Variants in CUL1 observed in about 807,000 individuals in gnomAD.
CUL1 encodes cullin-1.
A neutral mutation model predicts 118.0 loss-of-function variants in CUL1; 24 were observed. That is an observed-to-expected ratio of 0.20 (90% CI 0.15 to 0.29). CUL1 has a LOEUF of 0.29. Among genes scored for constraint, CUL1 ranks in the 10% least tolerant of loss-of-function variants. The pLI is 1.00. For synonymous variants in CUL1, 332 were observed against 340.4 expected (o/e 0.98, Z 0.27); for missense variants, 361 against 933.8 (o/e 0.39, Z 7.99).
At chr7:148,786,511 A>G (rs771155987) in intron 11 of CUL1, 40 bp from the exon 12 acceptor site, 1 of 1,511,296 alleles carries the variant, frequency 6.6e-7, no homozygotes, top group East Asian at 2.3e-5. Flanking sequence ...GTTTAAACGT[A>G]CTGATGTTTT....
At chr7:148,778,303 CT>C (rs1419113427) in intron 9 of CUL1, among the ~76,000 whole-genome samples, 1 of 151,878 alleles carries the variant, frequency 6.6e-6, no homozygotes, top group South Asian at 2.1e-4. Context: ...TTATGTCCCC[CT>C]TTTTTTGCCT....
At chr7:148,750,573 G>A (rs1799456531) in intron 2 of CUL1, among the ~76,000 whole-genome samples, 1 of 152,058 alleles carries the variant, frequency 6.6e-6, no homozygotes, top group Admixed American at 6.6e-5. Flanking sequence ...CCTTGTGATA[G>A]TTTGCTCAGA....
chr7:148,732,345 A>ATTT (rs34013582), intron 2 of CUL1, among the ~76,000 whole-genome samples: 1 of 134,888 alleles, frequency 7.4e-6, no homozygotes. Flanking sequence ...TAAGTCATCC[A>ATTT]TTTTTTTTTT....
chr7:148,794,690 C>T (rs1020344411), intron 17 of CUL1, among the ~76,000 whole-genome samples: 14 of 152,162 alleles, frequency 9.2e-5, no homozygotes, highest in African/African-American at 3.1e-4. Context: ...AAGTCTCCCA[C>T]TCCATGAACA....
chr7:148,781,295 C>T (rs1800624289), intron 9 of CUL1, among the ~76,000 whole-genome samples: 1 of 151,990 alleles, frequency 6.6e-6, no homozygotes, highest in African/African-American at 2.4e-5. Flanking sequence ...GTTGGCCAGG[C>T]TGGTCTAGAA....
chr7:148,798,992 T>G (rs1359440036), intron 20 of CUL1, among the ~76,000 whole-genome samples: 1 of 152,132 alleles, frequency 6.6e-6, no homozygotes, highest in Non-Finnish European at 1.5e-5. Context: ...CTTGAAGATT[T>G]AATTTTGTCT....
chr7:148,799,081 C>G (rs1801304367), intron 20 of CUL1, among the ~76,000 whole-genome samples, 194 bp from the exon 21 acceptor site: 1 of 152,036 alleles, frequency 6.6e-6, no homozygotes, highest in South Asian at 2.1e-4. Flanking sequence ...GTAATGTTTG[C>G]CACGTTAGAG....
intron 17 of CUL1, among the ~76,000 whole-genome samples, chr7:148,793,218 C>T (rs573527448): frequency 1.3e-5 from 2 of 152,326 alleles, no homozygotes; most frequent in East Asian, 3.9e-4. Context: ...TTCTCTCATT[C>T]ATTTAACCAG....
chr7:148,791,415 C>T (rs3779036), intron 16 of CUL1, among the ~76,000 whole-genome samples: 101,887 of 152,154 alleles, frequency 0.67, 34,722 homozygotes, highest in African/African-American at 0.8. Flanking sequence ...TAGTATTATG[C>T]TGGCTCCAGA....
chr7:148,773,531 A>C (rs1363551667), intron 9 of CUL1, among the ~76,000 whole-genome samples: 1 of 152,096 alleles, frequency 6.6e-6, no homozygotes, highest in Non-Finnish European at 1.5e-5. Context: ...CTCACGCCTC[A>C]TTATAGTTTT....
chr7:148,756,537 A>C (rs1353865940), intron 3 of CUL1, among the ~76,000 whole-genome samples: 1 of 152,130 alleles, frequency 6.6e-6, no homozygotes, highest in African/African-American at 2.4e-5. Flanking sequence ...GGGTTTCACC[A>C]TGTTGGCCAG....
intron 4 of CUL1, among the ~76,000 whole-genome samples, chr7:148,757,932 C>G (rs2129460472): frequency 6.6e-6 from 1 of 152,328 alleles, no homozygotes; most frequent in South Asian, 2.1e-4. Flanking sequence ...TCAGTTGTCT[C>G]CCACTGGGTG....
chr7:148,729,116 T>A (rs1798675345), intron 1 of CUL1, among the ~76,000 whole-genome samples: 1 of 152,264 alleles, frequency 6.6e-6, no homozygotes, highest in South Asian at 2.1e-4. Flanking sequence ...CAATATTGAA[T>A]ACCTAAGTTA....
chr7:148,739,230 C>T (rs1383636938), intron 2 of CUL1, among the ~76,000 whole-genome samples: 1 of 152,206 alleles, frequency 6.6e-6, no homozygotes, highest in Admixed American at 6.5e-5. Context: ...CTGGACAGAT[C>T]TCCCTCAGGC....
At chr7:148,780,183 A>G (rs1800575174) in intron 9 of CUL1, among the ~76,000 whole-genome samples, 1 of 152,252 alleles carries the variant, frequency 6.6e-6, no homozygotes, top group Non-Finnish European at 1.5e-5. Context: ...TATACCAGTT[A>G]GGTTAGTTAG....
At chr7:148,716,298 T>C (rs1798212528) in intron 1 of CUL1, among the ~76,000 whole-genome samples, 1 of 152,230 alleles carries the variant, frequency 6.6e-6, no homozygotes, top group Non-Finnish European at 1.5e-5. Flanking sequence ...ACTACTATAA[T>C]TTCAAGGTGT....
At chr7:148,710,292 G>C (rs1017497512) in intron 1 of CUL1, among the ~76,000 whole-genome samples, 2 of 118,802 alleles carry the variant, frequency 1.7e-5, no homozygotes, top group Admixed American at 7.8e-5. Flanking sequence ...AAATACCAGT[G>C]GGCCGGGCGC....
Position 148,787,337 on chromosome 7 carries a change from C to T in CUL1, c.1479+217C>T, listed in dbSNP as rs968611532. ...ATTAGCCGGGCATGGTGGTGGGCGC[C>T]TGTAGTCCCAGCTACTTGGGAGGCT... On this transcript the variant is annotated intron_variant, in intron 13 of 21. Coordinates refer to ENST00000325222, the MANE Select transcript of CUL1 (RefSeq NM_003592.3). The surrounding 1 kb of genome is among the most constrained non-coding windows in gnomAD (Gnocchi z 5.5). 6.6e-6 allele frequency among the ~76,000 whole-genome samples: 1 copy of T among 152,022 alleles called. No individual in the cohort carries two copies. The highest frequency in any genetic ancestry group is 1.5e-5 in the Non-Finnish European group (1 of 67,984).
chr7:148,772,564 G>T (rs1326870268), intron 9 of CUL1, among the ~76,000 whole-genome samples: 1 of 152,150 alleles, frequency 6.6e-6, no homozygotes, highest in Non-Finnish European at 1.5e-5. Flanking sequence ...AACTGAAATC[G>T]TTGTTTCATT....
Sources: allele counts gnomAD v4.1 joint callset (sites outside exome capture counted in the v4.1 genomes callset), GRCh38; gene constraint gnomAD v4.1.1; non-coding constraint Gnocchi (gnomAD v3.1); transcripts MANE v1.5; gene names NCBI Gene and HGNC (gene_info 2026-07-23, HGNC 2026-07-21).